The following PPP1R1C variants were observed in gnomAD, a reference collection of about 807,000 sequenced individuals.
PPP1R1C encodes protein phosphatase 1 regulatory subunit 1C.
A neutral mutation model predicts 17.4 loss-of-function variants in PPP1R1C; 15 were observed. The observed-to-expected ratio is 0.86, with a 90% confidence interval of 0.58 to 1.33. The LOEUF is 1.33. PPP1R1C is among the 40% of genes most tolerant of loss of function. The pLI is 0.00. For missense variants in PPP1R1C, 143 were observed against 130.0 expected (o/e 1.10, Z -0.48); for synonymous variants, 35 against 43.1 (o/e 0.81, Z 0.73).
chr2:182,068,782 A>G (rs909700078), intron 4 of PPP1R1C, among the ~76,000 whole-genome samples: 5 of 152,226 alleles, frequency 3.3e-5, no homozygotes, highest in Admixed American at 6.5e-5. Flanking sequence ...ATAGCAGATT[A>G]TGCAATAAAT....
At chr2:182,115,521 T>C (rs1246994864) in intron 4 of PPP1R1C, among the ~76,000 whole-genome samples, 1 of 152,150 alleles carries the variant, frequency 6.6e-6, no homozygotes, top group African/African-American at 2.4e-5. Flanking sequence ...TAGTGAGTCA[T>C]GTATGTAAGA....
At chr2:182,051,167 A>G (rs558253453) in intron 2 of PPP1R1C, among the ~76,000 whole-genome samples, 4 of 152,362 alleles carry the variant, frequency 2.6e-5, no homozygotes, top group African/African-American at 9.6e-5. Context: ...GAAAGAATAT[A>G]TGCATGATTG....
At chr2:182,056,717 G>GTTATTGTCTA (rs1194329522) in intron 2 of PPP1R1C, among the ~76,000 whole-genome samples, 1 of 152,110 alleles carries the variant, frequency 6.6e-6, no homozygotes, top group African/African-American at 2.4e-5. Flanking sequence ...CATGGTTTTA[G>GTTATTGTCTA]TTATTGTCTA....
Position 181,988,002 on chromosome 2 carries a change from A to G in PPP1R1C, c.142+103A>G, listed in dbSNP as rs16867515. ...GAAAAGTTTCAATTTAGGATTTCAC[A>G]GTTAGCAATACTCTAGAAAGCTAAT... On this transcript the variant is annotated intron_variant, in intron 2 of 4. Coordinates refer to ENST00000682840, the MANE Select transcript of PPP1R1C (RefSeq NM_001080545.3). 70,668 of 849,548 alleles carry G rather than the reference A, an allele frequency of 0.083. 3,370 individuals are homozygous for G. Among genetic ancestry groups the G allele is most frequent in the African/African-American group, 0.15 (8,717 of 57,366 alleles). 52.6% of individuals were successfully genotyped at this position (849,548 alleles called of 1,614,324 possible). A position where few individuals can be genotyped will look rare whatever the true frequency, so the allele number is the denominator to read the frequency against.
At chr2:181,986,639 G>A (rs1685306032) in intron 1 of PPP1R1C, among the ~76,000 whole-genome samples, 1 of 152,058 alleles carries the variant, frequency 6.6e-6, no homozygotes, top group Non-Finnish European at 1.5e-5. Context: ...ATTTTCATAT[G>A]TTTTATTATT....
chr2:182,044,443 A>C (rs1415553917), intron 2 of PPP1R1C, among the ~76,000 whole-genome samples: 1 of 152,066 alleles, frequency 6.6e-6, no homozygotes, highest in Non-Finnish European at 1.5e-5. Context: ...CCTCAGGGAG[A>C]TTCCCACAAG....
intron 2 of PPP1R1C, among the ~76,000 whole-genome samples, chr2:182,008,990 C>G (rs886548437): frequency 6.6e-6 from 1 of 152,100 alleles, no homozygotes; most frequent in African/African-American, 2.4e-5. Flanking sequence ...GAAGAGTAGT[C>G]TATTGTGTTT....
intron 2 of PPP1R1C, among the ~76,000 whole-genome samples, chr2:182,031,981 T>G (rs1317973096): frequency 1.3e-5 from 2 of 152,234 alleles, no homozygotes; most frequent in Non-Finnish European, 2.9e-5. Flanking sequence ...GTTAGAAATT[T>G]TGGTGCCCCT....
In PPP1R1C at chr2:182,026,830, T is replaced by A. The variant is rs1236029495; in HGVS notation, c.143-34612T>A. Among the ~76,000 whole-genome samples the A allele has an allele frequency of 3.7e-3, 565 of 150,980 alleles. 6 individuals are homozygous for A. The highest frequency in any genetic ancestry group is 0.013 in the African/African-American group (541 of 40,978). ...TGGCCATTTTCACGATATTGATTCT[T>A]CCTACCCATGAGCATAGAATGTTCT... is the stretch of plus-strand genomic sequence containing the variant. On this transcript the variant is annotated intron_variant, in intron 2 of 4. Coordinates refer to ENST00000682840, the MANE Select transcript of PPP1R1C (RefSeq NM_001080545.3).
upstream of PPP1R1C, among the ~76,000 whole-genome samples, chr2:181,983,350 G>A (rs573326525): frequency 6.6e-6 from 1 of 152,216 alleles, no homozygotes; most frequent in Non-Finnish European, 1.5e-5. Flanking sequence ...TTAAATTGAG[G>A]ATAGCAATAA....
At chr2:182,050,158 C>A (rs574989566) in intron 2 of PPP1R1C, among the ~76,000 whole-genome samples, 14 of 152,174 alleles carry the variant, frequency 9.2e-5, no homozygotes, top group Non-Finnish European at 1.8e-4. Context: ...CTACTTCAAG[C>A]AAAACTGCAA....
At chr2:182,122,958 A>T (rs1997445) in intron 5 of PPP1R1C, among the ~76,000 whole-genome samples, 49,248 of 152,080 alleles carry the variant, frequency 0.32, 9,674 homozygotes, top group Non-Finnish European at 0.43. Context: ...TGCACCCATC[A>T]ACCTGTCATC....
intron 2 of PPP1R1C, among the ~76,000 whole-genome samples, chr2:181,990,649 CAG>C (rs1170203870): frequency 1.3e-5 from 2 of 152,144 alleles, no homozygotes; most frequent in African/African-American, 4.8e-5. Flanking sequence ...ACAAGAAAAA[CAG>C]AATCTTCATA....
chr2:182,074,191 G>A (rs1466539873), intron 4 of PPP1R1C, among the ~76,000 whole-genome samples: 4 of 151,898 alleles, frequency 2.6e-5, no homozygotes, highest in African/African-American at 9.7e-5. Context: ...ACAGGCGCCC[G>A]CCATCACGCC....
Position 181,987,045 on chromosome 2 carries a change from C to T in PPP1R1C, c.82-794C>T, listed in dbSNP as rs115333443. Reference sequence around the variant, plus strand: ...TGTTTTGAAATCTGAGGTAGATGCACCTAGACTCAGGCCAGATAAATGTAT... The same window carrying T: ...TGTTTTGAAATCTGAGGTAGATGCATCTAGACTCAGGCCAGATAAATGTAT... On this transcript the variant is annotated intron_variant, in intron 1 of 4. Transcript: ENST00000682840. Among the ~76,000 whole-genome samples, 956 of 152,252 alleles carry T rather than the reference C, an allele frequency of 6.3e-3. 6 individuals carry two copies. Among genetic ancestry groups the T allele is most frequent in the Middle Eastern group, 0.014 (4 of 294 alleles).
intron 2 of PPP1R1C, among the ~76,000 whole-genome samples, chr2:182,055,079 T>G (rs1248886369): frequency 7.2e-6 from 1 of 139,206 alleles, no homozygotes; most frequent in Non-Finnish European, 1.5e-5. Context: ...AGTTTCTGGT[T>G]TTTTTTTTAT....
intron 4 of PPP1R1C, among the ~76,000 whole-genome samples, chr2:182,105,674 A>G (rs1689223775): frequency 6.6e-6 from 1 of 152,200 alleles, no homozygotes; most frequent in African/African-American, 2.4e-5. Context: ...GACAGCATAA[A>G]AGAAAGGAAG....
intron 4 of PPP1R1C, among the ~76,000 whole-genome samples, chr2:182,106,550 A>G (rs73040730): frequency 0.24 from 37,009 of 152,072 alleles, 5,063 homozygotes; most frequent in African/African-American, 0.37. Context: ...CTCCCCATCC[A>G]TCTGCTGAGA....
chr2:181,956,778 T>C (rs551691615), intron 1 of PPP1R1C, among the ~76,000 whole-genome samples: 4 of 152,352 alleles, frequency 2.6e-5, no homozygotes, highest in South Asian at 4.1e-4. Flanking sequence ...AAGTCAGTCA[T>C]GTAATATTTA....
Sources: allele counts gnomAD v4.1 joint callset (sites outside exome capture counted in the v4.1 genomes callset), GRCh38; gene constraint gnomAD v4.1.1; transcripts MANE v1.5; gene names NCBI Gene and HGNC (gene_info 2026-07-23, HGNC 2026-07-21).